EFCAB3: variants seen among roughly 807,000 people sequenced by gnomAD.
The protein encoded by EFCAB3 is EF-hand calcium binding domain 3.
Under a neutral mutation model 42.2 loss-of-function variants are expected in EFCAB3, and 36 were observed. That is an observed-to-expected ratio of 0.85 (90% CI 0.65 to 1.13). EFCAB3 has a LOEUF of 1.13. EFCAB3 is among the 50% of genes most tolerant of loss of function. The pLI is 0.00. For missense variants in EFCAB3, 418 were observed against 505.1 expected, an observed-to-expected ratio of 0.83 and a Z score of 1.65; for synonymous variants, 170 against 172.8, an observed-to-expected ratio of 0.98 and a Z score of 0.13.
intron 6 of EFCAB3, among the ~76,000 whole-genome samples, chr17:62,396,654 G>T (rs2144088102): frequency 6.6e-6 from 1 of 152,084 alleles, no homozygotes; most frequent in African/African-American, 2.4e-5. Context: ...GCTACTCAGG[G>T]GGCTGAGATG....
chr17:62,408,915 C>A (rs537685779), intron 8 of EFCAB3, among the ~76,000 whole-genome samples: 1 of 152,160 alleles, frequency 6.6e-6, no homozygotes, highest in African/African-American at 2.4e-5. Flanking sequence ...CTCCCCTCAC[C>A]TCTTTTAGGT....
intron 6 of EFCAB3, among the ~76,000 whole-genome samples, chr17:62,403,764 C>T (rs1316783730): frequency 6.6e-6 from 1 of 152,190 alleles, no homozygotes; most frequent in Non-Finnish European, 1.5e-5. Context: ...CCTCTCATTT[C>T]AGCTTCCTGG....
chr17:62,376,751 A>G (rs967584053), upstream of EFCAB3, among the ~76,000 whole-genome samples: 7 of 152,152 alleles, frequency 4.6e-5, no homozygotes, highest in Non-Finnish European at 8.8e-5. Flanking sequence ...CAACTTCAAG[A>G]CCTGCTAAAA....
upstream of EFCAB3, among the ~76,000 whole-genome samples, chr17:62,375,662 G>C (rs1232319351): frequency 2.0e-5 from 3 of 152,148 alleles, no homozygotes; most frequent in Non-Finnish European, 2.9e-5. Context: ...TCATTCTTAA[G>C]ATAATCCCTC....
intron 4 of EFCAB3, among the ~76,000 whole-genome samples, 188 bp from the exon 5 acceptor site, chr17:62,393,385 G>T (rs190047756): frequency 6.6e-6 from 1 of 152,292 alleles, no homozygotes; most frequent in Admixed American, 6.5e-5. Context: ...GTGGGCTGTG[G>T]AGGACTGATG....
chr17:62,397,517 T>C, intron 6 of EFCAB3: 1 of 564,776 alleles, frequency 1.8e-6, no homozygotes. Context: ...GGCCAACCCT[T>C]TTGAGGGTTG....
chr17:62,411,593 A>T (rs760256961), intron 8 of EFCAB3, among the ~76,000 whole-genome samples: 1 of 151,964 alleles, frequency 6.6e-6, no homozygotes, highest in Non-Finnish European at 1.5e-5. Context: ...ACATGATGAA[A>T]CCCCATCTGT....
intron 6 of EFCAB3, among the ~76,000 whole-genome samples, chr17:62,402,400 C>A (rs2070411632): frequency 6.6e-6 from 1 of 152,122 alleles, no homozygotes; most frequent in Non-Finnish European, 1.5e-5. Context: ...AGTTTTTGCC[C>A]ATTCAGTATG....
chr17:62,392,958 T>A (rs1238324819), intron 4 of EFCAB3, among the ~76,000 whole-genome samples: 2 of 152,228 alleles, frequency 1.3e-5, no homozygotes, highest in African/African-American at 4.8e-5. Context: ...TTTTAGTGAA[T>A]ATACTGACCG....
At chr17:62,414,579 TGTTTTGTGTGTGTGTGTGTG>T in intron 9 of EFCAB3, among the ~76,000 whole-genome samples, 1 of 75,816 alleles carries the variant, frequency 1.3e-5, no homozygotes, top group East Asian at 3.7e-4. Flanking sequence ...TTTGTTTGTT[TGTTTTGTGTGTGTGTGTGTG>T]TGTGTGTGTG....
chr17:62,373,567 G>A (rs1188437901), intron 1 of EFCAB3, among the ~76,000 whole-genome samples: 1 of 151,924 alleles, frequency 6.6e-6, no homozygotes, highest in Non-Finnish European at 1.5e-5. Context: ...GTTGCAATGA[G>A]CCATAATCAC....
intron 2 of EFCAB3, among the ~76,000 whole-genome samples, chr17:62,384,669 C>T (rs1219865659): frequency 6.6e-6 from 1 of 152,166 alleles, no homozygotes; most frequent in East Asian, 1.9e-4. Flanking sequence ...CCTCCTGCTT[C>T]TTGAGAACAT....
intron 8 of EFCAB3, among the ~76,000 whole-genome samples, chr17:62,409,964 CCAA>C (rs1237695893): frequency 4.0e-5 from 6 of 151,710 alleles, no homozygotes; most frequent in East Asian, 3.9e-4. Flanking sequence ...CTTTGGGAGG[CCAA>C]AGCAGGTGGA....
At chr17:62,383,222 T>TGG in intron 2 of EFCAB3, 169 bp downstream of exon 2, 1 of 561,320 alleles carries the variant, frequency 1.8e-6, no homozygotes, top group Non-Finnish European at 3.0e-6. Flanking sequence ...ACACCTGTAA[T>TGG]CTCAGCACTT....
At chr17:62,376,796 A>T (rs185882613), upstream of EFCAB3, among the ~76,000 whole-genome samples, 1 of 152,258 alleles carries the variant, frequency 6.6e-6, no homozygotes, top group Non-Finnish European at 1.5e-5. Flanking sequence ...TCAGAACTTC[A>T]CTCTGGCCTT....
At chr17:62,398,408 C>T (rs1430999247) in intron 6 of EFCAB3, among the ~76,000 whole-genome samples, 4 of 150,462 alleles carry the variant, frequency 2.7e-5, no homozygotes, top group African/African-American at 4.9e-5. Context: ...GAGCTGAGAT[C>T]GCACCACTGC....
At chr17:62,411,534 C>G (rs1462889529) in intron 8 of EFCAB3, among the ~76,000 whole-genome samples, 1 of 152,138 alleles carries the variant, frequency 6.6e-6, no homozygotes, top group Admixed American at 6.6e-5. Context: ...TTTGGGAGGC[C>G]AAGGCAGGTG....
At chr17:62,407,392 G>A (rs1010404220) in intron 8 of EFCAB3, among the ~76,000 whole-genome samples, 180 bp downstream of exon 8, 2 of 152,098 alleles carry the variant, frequency 1.3e-5, no homozygotes, top group Non-Finnish European at 2.9e-5. Flanking sequence ...TCAACAAATA[G>A]GTAAACTTAC....
intron 8 of EFCAB3, among the ~76,000 whole-genome samples, 170 bp downstream of exon 8, chr17:62,407,382 T>A (rs1218361566): frequency 2.6e-5 from 4 of 152,166 alleles, no homozygotes; most frequent in Non-Finnish European, 2.9e-5. Context: ...TCATTTAATT[T>A]CAACAAATAG....
Sources: gnomAD v4.1 joint callset for allele counts (sites outside exome capture counted in the v4.1 genomes callset) on GRCh38, gnomAD v4.1.1 for gene constraint, MANE v1.5 for transcripts, NCBI Gene and HGNC (gene_info 2026-07-23, HGNC 2026-07-21) for gene names.